KLF5: variants seen among roughly 807,000 people sequenced by gnomAD.
KLF5 encodes Krueppel-like factor 5.
In KLF5, 9 loss-of-function variants were observed where a neutral mutation model predicts 36.9. That is an observed-to-expected ratio of 0.24 (90% CI 0.15 to 0.43). The LOEUF is 0.43. KLF5 is among the 20% of genes least tolerant of loss of function. The pLI is 1.00. For missense variants in KLF5, 524 were observed against 599.5 expected (o/e 0.87, Z 1.31); for synonymous variants, 246 against 241.7 (o/e 1.02, Z -0.17).
chr13:73,073,841 A>G (rs1422744651), intron 3 of KLF5, among the ~76,000 whole-genome samples: 6 of 152,202 alleles, frequency 3.9e-5, no homozygotes, highest in East Asian at 1.9e-4. Flanking sequence ...ATTTCTATAT[A>G]TCAGACATTT....
Position 73,059,223 on chromosome 13 carries a change from C to A in KLF5, c.-105C>A. ...GTCTGAGGAGTCCACCCGAAACCTC[C>A]CCTCCTCCGCCGGCAGCCCCGCGCT... On this transcript the variant is annotated 5_prime_UTR_variant, in exon 1 of 4. Transcript: ENST00000377687. 1 of 1,132,274 alleles carries A rather than the reference C, an allele frequency of 8.8e-7. No individual in the cohort carries two copies. The highest frequency in any genetic ancestry group is 1.1e-6 in the Non-Finnish European group (1 of 888,308). The allele number at this position is 1,132,274 out of a possible 1,614,324, so 70.1% of individuals were successfully genotyped here. A position where few individuals can be genotyped will look rare whatever the true frequency, so the allele number is the denominator to read the frequency against.
At chr13:73,061,760 T>G in intron 1 of KLF5, 101 bp from the exon 2 acceptor site, 1 of 1,099,182 alleles carries the variant, frequency 9.1e-7, no homozygotes, top group East Asian at 2.4e-5. Context: ...CCCTAGTACC[T>G]TACACAGGGA....
At chr13:73,060,150 T>C (rs1001932499) in intron 1 of KLF5, among the ~76,000 whole-genome samples, 2 of 125,176 alleles carry the variant, frequency 1.6e-5, no homozygotes, top group African/African-American at 2.8e-5. Flanking sequence ...GAGCGCTTAT[T>C]TTTCCTTAAA....
At chr13:73,067,997 C>T (rs569239516) in intron 3 of KLF5, among the ~76,000 whole-genome samples, 3 of 152,074 alleles carry the variant, frequency 2.0e-5, no homozygotes, top group South Asian at 4.2e-4. Flanking sequence ...CCTGCCACCA[C>T]GCCCGGCTAA....
chr13:73,070,798 C>G, intron 3 of KLF5, among the ~76,000 whole-genome samples: 1 of 152,120 alleles, frequency 6.6e-6, no homozygotes, highest in East Asian at 1.9e-4. Context: ...TCAGAATGGA[C>G]AATAACTCAT....
rs1268975699 is a variant in KLF5 at position 73,075,833 on chromosome 13, A to T, written c.1321A>T (p.Ser441Cys). 1.9e-6 allele frequency: 3 copies of T among 1,611,424 alleles called. No homozygotes were observed. Among genetic ancestry groups the T allele is most frequent in the Non-Finnish European group, 2.5e-6 (3 of 1,177,776 alleles). ...KPFQCGVCNR[S>C]FSRSDHLALH... Reference sequence around the variant, plus strand: ...CTTCCAGTGCGGGGTGTGCAACCGCAGCTTCTCGCGCTCTGACCACCTGGC... The same window carrying T: ...CTTCCAGTGCGGGGTGTGCAACCGCTGCTTCTCGCGCTCTGACCACCTGGC... Residue 441 changes from serine to cysteine, a missense_variant, in exon 4 of 4, where the codon AGC (serine) becomes TGC (cysteine). Coordinates refer to ENST00000377687, the MANE Select transcript of KLF5 (RefSeq NM_001730.5).
chr13:73,070,391 T>G lies in KLF5; in HGVS notation c.1196-5317T>G, dbSNP rs561678081. ...AAGGTGAAATTCCTCATTGACACTT[T>G]AACGTCAGTGCGAACTCCCATTATA... On this transcript the variant is annotated intron_variant, in intron 3 of 3. Coordinates refer to ENST00000377687, the MANE Select transcript of KLF5 (RefSeq NM_001730.5). Among the ~76,000 whole-genome samples, 45 of 152,342 alleles carry G rather than the reference T, an allele frequency of 3.0e-4. No homozygotes were observed. The South Asian group carries it at 8.5e-3, about 29-fold the overall frequency.
chr13:73,059,282 G>T lies in KLF5; in HGVS notation c.-46G>T. ...CGACCCAAGCCAGCGTGGGCGAGGTGGGAAGTGCGCCCGACCCGCGCCTGG... is the reference window on the plus strand; with the variant it reads ...CGACCCAAGCCAGCGTGGGCGAGGTTGGAAGTGCGCCCGACCCGCGCCTGG... On this transcript the variant is annotated 5_prime_UTR_variant, in exon 1 of 4. Coordinates refer to ENST00000377687, the MANE Select transcript of KLF5 (RefSeq NM_001730.5). 7.5e-7 allele frequency: 1 copy of T among 1,325,138 alleles called. No homozygotes were observed. Among genetic ancestry groups the T allele is most frequent in the South Asian group, 1.9e-5 (1 of 53,054 alleles). The allele number at this position is 1,325,138 out of a possible 1,614,324, so 82.1% of individuals were successfully genotyped here. A position where few individuals can be genotyped will look rare whatever the true frequency, so the allele number is the denominator to read the frequency against.
intron 3 of KLF5, among the ~76,000 whole-genome samples, chr13:73,069,842 C>G (rs969441420): frequency 2.0e-5 from 3 of 152,100 alleles, no homozygotes; most frequent in African/African-American, 7.2e-5. Context: ...TCTTCTTGCC[C>G]TTTTGTTCAT....
intron 3 of KLF5, among the ~76,000 whole-genome samples, chr13:73,068,469 C>T (rs1477757620): frequency 3.9e-5 from 6 of 151,984 alleles, no homozygotes; most frequent in Admixed American, 6.6e-5. Flanking sequence ...CTTGGGAGGC[C>T]GAAGCAGGTG....
chr13:73,061,797 T>C, intron 1 of KLF5, 64 bp from the exon 2 acceptor site: 1 of 1,501,878 alleles, frequency 6.7e-7, no homozygotes, highest in Non-Finnish European at 9.1e-7. Context: ...TAGGCGCCGA[T>C]TGTTCGTTCT....
rs896780344 is a variant in KLF5, at chr13:73,062,011, G to A, written c.412G>A (p.Val138Ile). The A allele has an allele frequency of 6.2e-7, 1 of 1,613,926 alleles. No individual in the cohort carries two copies. The highest frequency in any genetic ancestry group is 8.5e-7 in the Non-Finnish European group (1 of 1,180,028). ...EGLPYSINMN[V>I]FLPDITHLRT... The stretch of plus-strand genomic sequence containing the variant: ...GTTACCTTACAGTATCAACATGAAC[G>A]TCTTCCTCCCTGACATCACTCACCT... The change falls in exon 2 of 4, where the codon GTC (valine) becomes ATC (isoleucine). Residue 138 changes from valine (V) to isoleucine (I), a missense_variant. By Grantham distance (29) the Val-to-Ile change is conservative (BLOSUM62 3). Around this residue, in one of 4 missense-constraint regions of KLF5, gnomAD observed 454 missense variants for 458.1 expected, o/e 0.99. Coordinates refer to ENST00000377687, the MANE Select transcript of KLF5 (RefSeq NM_001730.5).
At chr13:73,063,632 A>G (rs2044657147) in intron 2 of KLF5, among the ~76,000 whole-genome samples, 192 bp from the exon 3 acceptor site, 1 of 152,242 alleles carries the variant, frequency 6.6e-6, no homozygotes. Flanking sequence ...AGTGATACAT[A>G]AAACAAATCA....
Position 73,059,177 on chromosome 13 carries a change from C to T in KLF5, c.-151C>T, listed in dbSNP as rs961371056. ...GAAGAGTTTTGCTTTTCGTGCGCGC[C>T]TTCGAAAACTGCCTGCCGCTGTCTG... On this transcript the variant is annotated 5_prime_UTR_variant, in exon 1 of 4. Transcript: ENST00000377687. The T allele has an allele frequency of 3.9e-5, 26 of 670,572 alleles. No homozygotes were observed. Among genetic ancestry groups the T allele is most frequent in the Non-Finnish European group, 5.5e-5 (26 of 473,078 alleles). The allele number at this position is 670,572 out of a possible 1,614,324, so 41.5% of individuals were successfully genotyped here.
At position 73,062,266 on chromosome 13, in the gene KLF5, A is replaced by T; in HGVS notation, c.667A>T (p.Thr223Ser). The T allele has an allele frequency of 6.2e-7, 1 of 1,613,736 alleles. No homozygotes were observed. Among genetic ancestry groups the T allele is most frequent in the Non-Finnish European group, 8.5e-7 (1 of 1,179,936 alleles). The change falls in exon 2 of 4, where the codon ACC becomes TCC. Residue 223 changes from threonine (T) to serine (S), a missense_variant. Thr to Ser is a moderately conservative substitution (Grantham distance 58, BLOSUM62 1). This residue lies in a region of KLF5 where 454 missense variants were observed against 458.1 expected (regional missense o/e 0.99). Coordinates refer to ENST00000377687, the MANE Select transcript of KLF5 (RefSeq NM_001730.5). Reference sequence around the variant, plus strand: ...ACCAGATCTTCATCTTTCTGTCCCTACCCAGCAGGGCCACCTGTACCAGCT... The same window carrying T: ...ACCAGATCTTCATCTTTCTGTCCCTTCCCAGCAGGGCCACCTGTACCAGCT... ...PTPDLHLSVPTQQGHLYQLLN... is the reference protein window; with the variant it reads ...PTPDLHLSVPSQQGHLYQLLN...
Position 73,059,325 on chromosome 13 carries a change from C to A in KLF5, c.-3C>A. ...GCGCCTGGAGCTGCGCCCCCGAGTGCCCATGGCTACAAGGGTGCTGAGCAT... is the reference window on the plus strand; with the variant it reads ...GCGCCTGGAGCTGCGCCCCCGAGTGACCATGGCTACAAGGGTGCTGAGCAT... On this transcript the variant is annotated 5_prime_UTR_variant, in exon 1 of 4. Coordinates refer to ENST00000377687, the MANE Select transcript of KLF5 (RefSeq NM_001730.5). 7.2e-7 allele frequency: 1 copy of A among 1,390,012 alleles called. No homozygotes were observed. Among genetic ancestry groups the A allele is most frequent in the South Asian group, 1.5e-5 (1 of 65,282 alleles). The allele number at this position is 1,390,012 out of a possible 1,614,324, so 86.1% of individuals were successfully genotyped here.
intron 1 of KLF5, chr13:73,060,741 A>T (rs958513967): frequency 6.6e-6 from 1 of 152,206 alleles, no homozygotes; most frequent in African/African-American, 2.4e-5. Flanking sequence ...TGCCACAGCT[A>T]ATATATGCGC....
At position 73,059,245 on chromosome 13, in the gene KLF5, C is replaced by A. The variant is rs2044609452; in HGVS notation, c.-83C>A. On this transcript the variant is annotated 5_prime_UTR_variant, in exon 1 of 4. Coordinates refer to ENST00000377687, the MANE Select transcript of KLF5 (RefSeq NM_001730.5). The stretch of plus-strand genomic sequence containing the variant: ...CTCCCCTCCTCCGCCGGCAGCCCCG[C>A]GCTGAGCTCGCCGACCCAAGCCAGC... 8.1e-7 allele frequency: 1 copy of A among 1,227,906 alleles called. No homozygotes were observed. 76.1% of individuals were successfully genotyped at this position (1,227,906 alleles called of 1,614,324 possible).
At chr13:73,058,252 C>G (rs1374751750), upstream of KLF5, among the ~76,000 whole-genome samples, 1 of 152,146 alleles carries the variant, frequency 6.6e-6, no homozygotes, top group East Asian at 1.9e-4. Flanking sequence ...ATGGCCCAAG[C>G]CCTCCTCCCC....
Sources: gnomAD v4.1 joint callset for allele counts (sites outside exome capture counted in the v4.1 genomes callset) on GRCh38, gnomAD v4.1.1 for gene constraint, gnomAD v4.1.1 regional missense constraint, MANE v1.5 for transcripts, NCBI Gene and HGNC (gene_info 2026-07-23, HGNC 2026-07-21) for gene names.